HECTD2: variants seen among roughly 807,000 people sequenced by gnomAD.
HECTD2 encodes the protein probable E3 ubiquitin-protein ligase HECTD2.
Under a neutral mutation model 103.2 loss-of-function variants are expected in HECTD2, and 35 were observed. The observed-to-expected ratio is 0.34, with a 90% CI of 0.26 to 0.45. The LOEUF is 0.45. Among genes scored for constraint, HECTD2 ranks in the 20% least tolerant of loss-of-function variants. The pLI, the probability that HECTD2 is intolerant of heterozygous loss-of-function variation, is 1.00. For missense variants in HECTD2, 596 were observed against 937.4 expected (o/e 0.64, Z 4.76); for synonymous variants, 281 against 329.9 (o/e 0.85, Z 1.61).
chr10:91,498,337 CAT>C (rs757093456), intron 16 of HECTD2, among the ~76,000 whole-genome samples, 155 bp downstream of exon 16: 4 of 152,198 alleles, frequency 2.6e-5, no homozygotes, highest in Admixed American at 1.3e-4. Flanking sequence ...ATAAAGTAGA[CAT>C]GTGTAGATGA....
chr10:91,421,061 G>A (rs925619949), intron 1 of HECTD2, among the ~76,000 whole-genome samples: 5 of 151,872 alleles, frequency 3.3e-5, no homozygotes, highest in African/African-American at 4.8e-5. Flanking sequence ...TTCCCCTTCA[G>A]TAAAGCTTCT....
At chr10:91,433,819 A>G (rs1228262204) in intron 2 of HECTD2, among the ~76,000 whole-genome samples, 1 of 151,952 alleles carries the variant, frequency 6.6e-6, no homozygotes, top group Non-Finnish European at 1.5e-5. Context: ...TACTTAGTTA[A>G]TAATTTACTG....
chr10:91,456,798 C>T (rs1845118075), intron 2 of HECTD2, among the ~76,000 whole-genome samples: 1 of 151,350 alleles, frequency 6.6e-6, no homozygotes, highest in African/African-American at 2.4e-5. Context: ...AGCTCACGGA[C>T]GTAGGAAAAG....
chr10:91,476,794 T>C (rs1266758381), intron 5 of HECTD2, among the ~76,000 whole-genome samples: 1 of 152,204 alleles, frequency 6.6e-6, no homozygotes, highest in Non-Finnish European at 1.5e-5. Flanking sequence ...CTGCCTGCCC[T>C]GTGAGCACCT....
chr10:91,458,421 T>C (rs1279448146), intron 2 of HECTD2, among the ~76,000 whole-genome samples: 1 of 151,978 alleles, frequency 6.6e-6, no homozygotes, highest in Non-Finnish European at 1.5e-5. Context: ...GTTGTTGATA[T>C]AGATAAGATT....
At chr10:91,456,539 T>A (rs1845103007) in intron 2 of HECTD2, among the ~76,000 whole-genome samples, 1 of 152,188 alleles carries the variant, frequency 6.6e-6, no homozygotes, top group Non-Finnish European at 1.5e-5. Context: ...CAATTTGACT[T>A]CTTCTTTTCC....
chr10:91,423,867 T>C (rs1216713214), intron 1 of HECTD2, among the ~76,000 whole-genome samples: 1 of 152,104 alleles, frequency 6.6e-6, no homozygotes, highest in Non-Finnish European at 1.5e-5. Flanking sequence ...TTAGAATGAT[T>C]ATAATTTTAG....
chr10:91,439,260 G>T (rs1477915728), intron 2 of HECTD2, among the ~76,000 whole-genome samples: 1 of 152,094 alleles, frequency 6.6e-6, no homozygotes, highest in Admixed American at 6.6e-5. Flanking sequence ...TGTATGAGGT[G>T]TAAGGAAGGA....
intron 5 of HECTD2, among the ~76,000 whole-genome samples, chr10:91,477,673 C>T (rs555680880): frequency 6.6e-6 from 1 of 152,226 alleles, no homozygotes; most frequent in South Asian, 2.1e-4. Context: ...TGGCATTTGC[C>T]TCTTTCATGT....
At chr10:91,512,082 G>A (rs1675540256) in intron 20 of HECTD2, among the ~76,000 whole-genome samples, 182 bp from the exon 21 acceptor site, 1 of 152,188 alleles carries the variant, frequency 6.6e-6, no homozygotes, top group Non-Finnish European at 1.5e-5. Context: ...AGTGTCTAGA[G>A]TGGTGTCTGA....
At chr10:91,449,056 C>G (rs966520375) in intron 2 of HECTD2, among the ~76,000 whole-genome samples, 2 of 147,650 alleles carry the variant, frequency 1.4e-5, no homozygotes, top group African/African-American at 2.5e-5. Context: ...ATACCAAAAC[C>G]TGGCGGAGAC....
At chr10:91,410,055 C>G (rs1191799811), upstream of HECTD2, among the ~76,000 whole-genome samples, 4 of 152,140 alleles carry the variant, frequency 2.6e-5, no homozygotes, top group African/African-American at 7.2e-5. Flanking sequence ...GGGGTCTCCT[C>G]GTCATCTCGG....
At chr10:91,462,438 A>G in intron 5 of HECTD2, 2 of 1,242,036 alleles carry the variant, frequency 1.6e-6, no homozygotes, top group Non-Finnish European at 2.0e-6. Flanking sequence ...TTACTTACTC[A>G]GCAAAAGGAG....
intron 5 of HECTD2, among the ~76,000 whole-genome samples, chr10:91,476,626 G>A (rs533464661): frequency 1.3e-5 from 2 of 152,326 alleles, no homozygotes; most frequent in African/African-American, 4.8e-5. Flanking sequence ...TGCCAAACGG[G>A]ACTTGGCCAG....
At chr10:91,429,973 G>A (rs1310367385) in intron 2 of HECTD2, among the ~76,000 whole-genome samples, 8 of 152,076 alleles carry the variant, frequency 5.3e-5, no homozygotes, top group African/African-American at 1.9e-4. Context: ...GTGATGTTAG[G>A]GTGTCAATTT....
At chr10:91,422,941 A>G (rs1843415578) in intron 1 of HECTD2, among the ~76,000 whole-genome samples, 1 of 152,190 alleles carries the variant, frequency 6.6e-6, no homozygotes, top group Non-Finnish European at 1.5e-5. Context: ...GGAAGAAAAG[A>G]AAATGTTAGT....
chr10:91,478,050 C>G (rs1845971185), intron 5 of HECTD2, 151 bp from the exon 6 acceptor site: 2 of 585,148 alleles, frequency 3.4e-6, no homozygotes, highest in Non-Finnish European at 6.1e-6. Context: ...CTCTAGAGTT[C>G]TTAAATGTAA....
intron 6 of HECTD2, among the ~76,000 whole-genome samples, chr10:91,480,766 T>C (rs968878886): frequency 6.6e-6 from 1 of 152,032 alleles, no homozygotes; most frequent in African/African-American, 2.4e-5. Flanking sequence ...AAGTAAAGAT[T>C]ATCCTTTATT....
intron 1 of HECTD2, among the ~76,000 whole-genome samples, chr10:91,417,778 G>A (rs1843192133): frequency 6.6e-6 from 1 of 152,026 alleles, no homozygotes; most frequent in Non-Finnish European, 1.5e-5. Flanking sequence ...TTGGACATTT[G>A]GGTTGGTTCC....
Sources: gnomAD v4.1 joint callset for allele counts (sites outside exome capture counted in the v4.1 genomes callset) on GRCh38, gnomAD v4.1.1 for gene constraint, MANE v1.5 for transcripts, NCBI Gene and HGNC (gene_info 2026-07-23, HGNC 2026-07-21) for gene names.